The following MACROD2 variants were observed in gnomAD, a reference collection of about 807,000 sequenced individuals.
MACROD2 encodes ADP-ribose glycohydrolase MACROD2.
A neutral mutation model predicts 70.4 loss-of-function variants in MACROD2; 36 were observed. The ratio of observed to expected loss-of-function variants is 0.51; its 90% CI spans 0.39 to 0.68. The LOEUF is 0.68. Among genes scored for constraint, MACROD2 ranks in the 30% least tolerant of loss-of-function variants. The probability of loss-of-function intolerance (pLI) is 0.00; values close to 1 mark genes in which losing one functional copy is unlikely to be tolerated. For synonymous variants in MACROD2, 172 were observed against 178.8 expected (o/e 0.96, Z 0.30); for missense variants, 496 against 538.4 (o/e 0.92, Z 0.78).
At chr20:15,727,193 A>T (rs748323031) in intron 8 of MACROD2, among the ~76,000 whole-genome samples, 2 of 152,126 alleles carry the variant, frequency 1.3e-5, no homozygotes, top group Non-Finnish European at 2.9e-5. Context: ...TAATTTGTTG[A>T]ATAAGGAGTC....
chr20:15,986,642 T>G (rs2066487251), intron 13 of MACROD2, 85 bp from the exon 14 acceptor site: 1 of 1,036,718 alleles, frequency 9.6e-7, no homozygotes, highest in African/African-American at 1.6e-5. Context: ...CATGCATGAT[T>G]AAAGCACGGT....
intron 2 of MACROD2, among the ~76,000 whole-genome samples, chr20:14,046,438 T>G (rs557213129): frequency 6.6e-6 from 1 of 152,340 alleles, no homozygotes; most frequent in South Asian, 2.1e-4. Context: ...ATGGGAACTC[T>G]TAGACAGCTG....
chr20:14,366,814 C>T (rs1314310014), intron 3 of MACROD2, among the ~76,000 whole-genome samples: 1 of 152,060 alleles, frequency 6.6e-6, no homozygotes, highest in African/African-American at 2.4e-5. Flanking sequence ...CTTATCACAG[C>T]ATGTAGTTGT....
intron 4 of MACROD2, among the ~76,000 whole-genome samples, chr20:14,550,131 C>T (rs924479705): frequency 3.3e-5 from 5 of 152,006 alleles, no homozygotes; most frequent in Non-Finnish European, 5.9e-5. Flanking sequence ...CCATGTTGGC[C>T]AGTCTGGTCT....
chr20:15,463,393 G>T (rs2046843623), intron 7 of MACROD2, among the ~76,000 whole-genome samples: 1 of 152,140 alleles, frequency 6.6e-6, no homozygotes, highest in Admixed American at 6.6e-5. Flanking sequence ...CTCCAGCAAA[G>T]GATAATGGAG....
At chr20:14,838,931 A>G (rs2073058823) in intron 5 of MACROD2, among the ~76,000 whole-genome samples, 1 of 152,066 alleles carries the variant, frequency 6.6e-6, no homozygotes, top group African/African-American at 2.4e-5. Context: ...CACATTTTTC[A>G]CAGGGATTTG....
rs183086177 is a variant in MACROD2, at chr20:14,455,818, T to C, written c.272-37661T>C. ...TAATCTTGCTGAGTGATAATACCCA[T>C]GAACTCATGAATTCAATCTTCTAGC... On this transcript the variant is annotated intron_variant, in intron 3 of 17. Transcript: ENST00000684519. 2.7e-3 allele frequency among the ~76,000 whole-genome samples: 406 copies of C among 151,924 alleles called. 2 individuals are homozygous for C. Among genetic ancestry groups the C allele is most frequent in the Admixed American group, 4.8e-3 (74 of 15,298 alleles).
chr20:15,005,694 C>G (rs1375295341), intron 5 of MACROD2, among the ~76,000 whole-genome samples: 1 of 152,072 alleles, frequency 6.6e-6, no homozygotes, highest in Non-Finnish European at 1.5e-5. Flanking sequence ...TTGTAGTTCT[C>G]AAATTGCGAA....
intron 6 of MACROD2, among the ~76,000 whole-genome samples, chr20:15,401,237 A>G (rs994353509): frequency 2.0e-5 from 3 of 151,968 alleles, no homozygotes; most frequent in Non-Finnish European, 4.4e-5. Context: ...ACGGGGTTTC[A>G]CTGTGTTAGC....
chr20:16,036,280 CCT>C (rs201315553), intron 15 of MACROD2, among the ~76,000 whole-genome samples: 10,472 of 81,334 alleles, frequency 0.13, 461 homozygotes, highest in East Asian at 0.2. Flanking sequence ...TTGGAGGACT[CCT>C]CCCCCGGCCA....
At chr20:15,025,024 A>G (rs915915917) in intron 5 of MACROD2, among the ~76,000 whole-genome samples, 5 of 152,142 alleles carry the variant, frequency 3.3e-5, no homozygotes, top group Admixed American at 2.0e-4. Context: ...AACACTCAGA[A>G]TATGATATCC....
At chr20:14,955,240 T>C (rs2074524124) in intron 5 of MACROD2, among the ~76,000 whole-genome samples, 1 of 138,600 alleles carries the variant, frequency 7.2e-6, no homozygotes, top group Non-Finnish European at 1.5e-5. Context: ...TAATTTTTAT[T>C]ATATATAATT....
chr20:14,552,811 A>G (rs2423815), intron 4 of MACROD2, among the ~76,000 whole-genome samples: 99,872 of 151,876 alleles, frequency 0.66, 34,036 homozygotes, highest in East Asian at 0.93. Context: ...AGATTAAGAA[A>G]TGGTAATTGT....
At chr20:14,514,080 T>A (rs2085061196) in intron 4 of MACROD2, among the ~76,000 whole-genome samples, 1 of 152,102 alleles carries the variant, frequency 6.6e-6, no homozygotes, top group Non-Finnish European at 1.5e-5. Context: ...TAAAGTGACT[T>A]CTTGCTCTTC....
intron 5 of MACROD2, among the ~76,000 whole-genome samples, chr20:14,843,837 T>C (rs1472205207): frequency 6.6e-6 from 1 of 152,102 alleles, no homozygotes; most frequent in Non-Finnish European, 1.5e-5. Flanking sequence ...TTTGTACAAG[T>C]TCTTTTCTTT....
chr20:15,285,898 A>C (rs892120319), intron 6 of MACROD2, among the ~76,000 whole-genome samples: 1 of 151,986 alleles, frequency 6.6e-6, no homozygotes, highest in Non-Finnish European at 1.5e-5. Context: ...GGGGGGTTGC[A>C]TTTATTCATA....
chr20:14,286,913 A>C (rs1310759757), intron 3 of MACROD2, among the ~76,000 whole-genome samples: 3 of 152,204 alleles, frequency 2.0e-5, no homozygotes, highest in Non-Finnish European at 4.4e-5. Flanking sequence ...CAAAGCAATT[A>C]ATAACTTTCA....
At chr20:15,431,547 G>A in intron 7 of MACROD2, 112 bp downstream of exon 7, 1 of 1,006,564 alleles carries the variant, frequency 9.9e-7, no homozygotes, top group East Asian at 2.5e-5. Context: ...CTGTGATTTA[G>A]AGACTAAAAA....
chr20:14,619,466 AGGAAGGAGGAAAGGAAGGAAGGAG>A, intron 4 of MACROD2, among the ~76,000 whole-genome samples: 1 of 1,398 alleles, frequency 7.2e-4, no homozygotes, highest in African/African-American at 2.3e-3. Flanking sequence ...GAGGGGAGGA[AGGAAGGAGGAAAGGAAGGAAGGAG>A]GGAGGGGAGG....
Sources: allele counts gnomAD v4.1 joint callset (sites outside exome capture counted in the v4.1 genomes callset), GRCh38; gene constraint gnomAD v4.1.1; transcripts MANE v1.5; gene names NCBI Gene and HGNC (gene_info 2026-07-23, HGNC 2026-07-21).